USP43: variants seen among roughly 807,000 people sequenced by gnomAD.
USP43 encodes the protein ubiquitin specific peptidase 43.
Under a neutral mutation model 90.7 loss-of-function variants are expected in USP43, and 33 were observed. That is an observed-to-expected ratio of 0.36 (90% CI 0.28 to 0.49). The LOEUF (loss-of-function observed/expected upper bound fraction) is 0.49. Ranked by LOEUF, USP43 falls within the 20% of genes least tolerant of loss-of-function variation. The pLI is 0.98. For synonymous variants in USP43, 598 were observed against 615.8 expected (o/e 0.97, Z 0.43); for missense variants, 1,274 against 1,476.4 (o/e 0.86, Z 2.25).
intron 6 of USP43, among the ~76,000 whole-genome samples, chr17:9,681,462 TTATATATATATATATATATA>T (rs1184883523): frequency 0.023 from 423 of 18,574 alleles, 11 homozygotes; most frequent in South Asian, 0.089. Context: ...ATAAAATATA[TTATATATATATATATATATA>T]TATATATATA....
At chr17:9,715,372 G>A (rs901111492) in intron 14 of USP43, among the ~76,000 whole-genome samples, 3 of 152,178 alleles carry the variant, frequency 2.0e-5, no homozygotes, top group African/African-American at 4.8e-5. Context: ...AGGATCTCTT[G>A]AGCTTGGGAA....
At chr17:9,676,498 T>C (rs1166238381) in intron 4 of USP43, among the ~76,000 whole-genome samples, 3 of 152,146 alleles carry the variant, frequency 2.0e-5, no homozygotes, top group Admixed American at 6.6e-5. Context: ...GCCTCCCAAG[T>C]AGCTGGGATT....
chr17:9,702,891 G>A (rs1396219459), intron 12 of USP43, among the ~76,000 whole-genome samples: 1 of 152,202 alleles, frequency 6.6e-6, no homozygotes, highest in Non-Finnish European at 1.5e-5. Context: ...GACCACCTGA[G>A]TGGACAGAGA....
intron 8 of USP43, among the ~76,000 whole-genome samples, chr17:9,691,384 C>T (rs1914947664): frequency 6.6e-6 from 1 of 152,144 alleles, no homozygotes; most frequent in South Asian, 2.1e-4. Flanking sequence ...TCCCAGAGTG[C>T]TGGGATTACA....
chr17:9,676,608 G>T, intron 4 of USP43, 138 bp from the exon 5 acceptor site: 1 of 1,069,318 alleles, frequency 9.4e-7, no homozygotes, highest in Non-Finnish European at 1.3e-6. Context: ...TTGACCGCAG[G>T]TGATCCACCT....
At position 9,700,205 on chromosome 17, in the gene USP43, A is replaced by G. The variant is rs372814726; in HGVS notation, c.1491A>G (p.Pro497=). ...VLHLRRPGGP[P]HVKLAVEWDS... ...ATCTCAGGAGGCCAGGAGGCCCTCCACATGTCAAGCTGGCGGTGGAGTGGG... is the reference window on the plus strand; with the variant it reads ...ATCTCAGGAGGCCAGGAGGCCCTCCGCATGTCAAGCTGGCGGTGGAGTGGG... The change falls in exon 10 of 15, where the codon CCA becomes CCG. Residue 497 remains proline (P), a synonymous_variant. Transcript: ENST00000285199. 1.9e-6 allele frequency: 3 copies of G among 1,607,312 alleles called. No individual in the cohort carries two copies. The South Asian group carries it at 3.4e-5, about 18-fold the overall frequency.
rs1290256178 is a variant in USP43 at position 9,674,075 on chromosome 17, T to C, written c.741-816T>C. ...AATCTCTGGGAGTGGGGCCTGGACA[T>C]TGGAATTTTAAAAAAGCCTTCCTGT... On this transcript the variant is annotated intron_variant, in intron 3 of 14. Coordinates refer to ENST00000285199, the MANE Select transcript of USP43 (RefSeq NM_153210.5). The surrounding 1 kb of genome is among the most constrained non-coding windows in gnomAD (Gnocchi z 4.4). 3.9e-5 allele frequency among the ~76,000 whole-genome samples: 6 copies of C among 151,926 alleles called. No homozygotes were observed. Among genetic ancestry groups the C allele is most frequent in the Non-Finnish European group, 4.4e-5 (3 of 67,986 alleles).
intron 3 of USP43, among the ~76,000 whole-genome samples, chr17:9,671,020 A>C (rs1810411901): frequency 1.3e-5 from 2 of 152,148 alleles, no homozygotes; most frequent in Admixed American, 6.5e-5. Context: ...GGATGGCATC[A>C]GCCTTCTTGA....
chr17:9,651,491 A>G (rs543652116), intron 1 of USP43, among the ~76,000 whole-genome samples: 1 of 152,212 alleles, frequency 6.6e-6, no homozygotes, highest in East Asian at 1.9e-4. Flanking sequence ...CTTTGGTCTC[A>G]ATGTTTTTAT....
intron 14 of USP43, among the ~76,000 whole-genome samples, chr17:9,721,897 ATTT>A (rs375545876): frequency 7.3e-6 from 1 of 136,978 alleles, no homozygotes; most frequent in Non-Finnish European, 1.6e-5. Flanking sequence ...CACCCAGCTA[ATTT>A]TTTTTTTTTT....
At chr17:9,720,279 T>C (rs1916864386) in intron 14 of USP43, among the ~76,000 whole-genome samples, 1 of 140,348 alleles carries the variant, frequency 7.1e-6, no homozygotes, top group Admixed American at 7.3e-5. Context: ...TGAGCCGAGG[T>C]TGCGCCACTG....
In USP43 at chr17:9,729,123, TG is replaced by T; in HGVS notation, c.*134del. On this transcript the variant is annotated 3_prime_UTR_variant, in exon 15 of 15. Coordinates refer to ENST00000285199, the MANE Select transcript of USP43 (RefSeq NM_153210.5). ...CTCTAAAAAAAAATTTTTTTTTTTT[TG>T]TGGTGGGGGGTCTCCATATCTAGAC... The T allele has an allele frequency of 2.4e-6, 2 of 823,350 alleles. No homozygotes were observed. Among genetic ancestry groups the T allele is most frequent in the South Asian group, 3.1e-5 (1 of 31,848 alleles). 51.0% of individuals were successfully genotyped at this position (823,350 alleles called of 1,614,324 possible).
intron 1 of USP43, among the ~76,000 whole-genome samples, chr17:9,650,872 G>A (rs1004137329): frequency 6.6e-6 from 1 of 151,994 alleles, no homozygotes; most frequent in Non-Finnish European, 1.5e-5. Flanking sequence ...TTGGGGAACC[G>A]GCAGTATTTG....
rs866076933 is a variant in USP43, at chr17:9,729,110, A to T, written c.*120A>T. 3,760 of 824,650 alleles carry T rather than the reference A, an allele frequency of 4.6e-3. 52 individuals are homozygous for T. The highest frequency in any genetic ancestry group is 0.043 in the African/African-American group (2,347 of 54,896). The allele number at this position is 824,650 out of a possible 1,614,324, so 51.1% of individuals were successfully genotyped here. ...GTTGTCTTGTAATCTCTAAAAAAAA[A>T]TTTTTTTTTTTTTGTGGTGGGGGGT... On this transcript the variant is annotated 3_prime_UTR_variant, in exon 15 of 15. Coordinates refer to ENST00000285199, the MANE Select transcript of USP43 (RefSeq NM_153210.5).
Position 9,674,870 on chromosome 17 carries a change from C to T in USP43, c.741-21C>T. The T allele has an allele frequency of 6.2e-7, 1 of 1,605,472 alleles. No individual in the cohort carries two copies. Among genetic ancestry groups the T allele is most frequent in the Non-Finnish European group, 8.5e-7 (1 of 1,172,282 alleles). Reference sequence around the variant, plus strand: ...TGTTTACGTGTGATTAAACGTTCGCCTCTGTTCTTCACCCTCACAGATCTT... The same window carrying T: ...TGTTTACGTGTGATTAAACGTTCGCTTCTGTTCTTCACCCTCACAGATCTT... On this transcript the variant is annotated intron_variant, in intron 3 of 14. Coordinates refer to ENST00000285199, the MANE Select transcript of USP43 (RefSeq NM_153210.5). The surrounding 1 kb of genome is among the most constrained non-coding windows in gnomAD (Gnocchi z 4.4).
chr17:9,662,612 C>T (rs768412438), intron 2 of USP43, among the ~76,000 whole-genome samples: 1 of 152,070 alleles, frequency 6.6e-6, no homozygotes, highest in African/African-American at 2.4e-5. Flanking sequence ...TTTCCTGAAC[C>T]CTTGAGCCTC....
rs1567660831 is a variant in USP43 at position 9,681,208 on chromosome 17, A to ATAG, written c.1105+844_1105+845insGTA. ...TACTATATAATATATACTATATAAT[A>ATAG]TATACATTATATAGAATATATTATA... On this transcript the variant is annotated intron_variant, in intron 6 of 14. Coordinates refer to ENST00000285199, the MANE Select transcript of USP43 (RefSeq NM_153210.5). 3.3e-4 allele frequency among the ~76,000 whole-genome samples: 20 copies of ATAG among 60,798 alleles called. 3 individuals carry two copies. Among genetic ancestry groups the ATAG allele is most frequent in the African/African-American group, 1.2e-3 (12 of 9,758 alleles). 39.9% of individuals were successfully genotyped at this position (60,798 alleles called of 152,430 possible). A position where few individuals can be genotyped will look rare whatever the true frequency, so the allele number is the denominator to read the frequency against.
chr17:9,678,728 C>G (rs143159881), intron 5 of USP43, among the ~76,000 whole-genome samples: 2 of 151,814 alleles, frequency 1.3e-5, no homozygotes, highest in Admixed American at 1.3e-4. Flanking sequence ...CCCCTCCCCC[C>G]CCATTTTTAG....
intron 14 of USP43, among the ~76,000 whole-genome samples, chr17:9,715,721 ATG>A (rs1555555524): frequency 0.12 from 12,045 of 102,608 alleles, 613 homozygotes; most frequent in Non-Finnish European, 0.18. Flanking sequence ...CTGTGTGTGT[ATG>A]TGTGTGTGTG....
Sources: gnomAD v4.1 joint callset for allele counts (sites outside exome capture counted in the v4.1 genomes callset) on GRCh38, gnomAD v4.1.1 for gene constraint, Gnocchi (gnomAD v3.1) non-coding constraint, MANE v1.5 for transcripts, NCBI Gene and HGNC (gene_info 2026-07-23, HGNC 2026-07-21) for gene names.